The following TMA7 variants were observed in gnomAD, a reference collection of about 807,000 sequenced individuals.
TMA7 encodes translation machinery associated 7 homolog, also known as translation machinery-associated protein 7.
Under a neutral mutation model 12.5 loss-of-function variants are expected in TMA7, and 5 were observed. That is an observed-to-expected ratio of 0.40 (90% confidence interval 0.21 to 0.84). The LOEUF is 0.84. Among genes scored for constraint, TMA7 ranks in the 40% least tolerant of loss-of-function variants. TMA7 has a pLI of 0.36. For missense variants in TMA7, 71 were observed against 75.4 expected (o/e 0.94, Z 0.22); for synonymous variants, 36 against 28.1 (o/e 1.28, Z -0.89).
chr3:48,440,285 G>T lies in TMA7; in HGVS notation c.-12G>T, dbSNP rs765641351. 1 of 1,601,752 alleles carries T rather than the reference G, an allele frequency of 6.2e-7. No homozygotes were observed. Among genetic ancestry groups the T allele is most frequent in the Non-Finnish European group, 8.5e-7 (1 of 1,173,996 alleles). ...TCCGGTGGCAGGGTCTGGGGAAGCG[G>T]CGGCAGGCGCCATGTCCGGCCGCGA... On this transcript the variant is annotated 5_prime_UTR_variant, in exon 1 of 4. Coordinates refer to ENST00000438607, the MANE Select transcript of TMA7 (RefSeq NM_015933.6).
chr3:48,443,811 A>G lies in TMA7; in HGVS notation c.161-37A>G, dbSNP rs775153171. ...CCGTGGGGCTTCTACCGTAAGAACT[A>G]TATTTTTCCCTAATTGTGACTATTT... On this transcript the variant is annotated intron_variant, in intron 3 of 3. Coordinates refer to ENST00000438607, the MANE Select transcript of TMA7 (RefSeq NM_015933.6). The G allele has an allele frequency of 2.6e-6, 4 of 1,538,532 alleles. 1 individual carries two copies. The South Asian group carries it at 5.0e-5, about 19-fold the overall frequency.
At chr3:48,443,241 CAAAAAAAAAA>C (rs3082576) in intron 3 of TMA7, among the ~76,000 whole-genome samples, 48 of 70,542 alleles carry the variant, frequency 6.8e-4, no homozygotes, top group Middle Eastern at 0.01. Context: ...ACTCCATCTC[CAAAAAAAAAA>C]AAAAAAAAAA....
At chr3:48,441,203 G>C (rs1403359953) in intron 3 of TMA7, among the ~76,000 whole-genome samples, 2 of 151,798 alleles carry the variant, frequency 1.3e-5, no homozygotes, top group Non-Finnish European at 2.9e-5. Context: ...TTGAGACGGA[G>C]TGCGGCTAAT....
At chr3:48,443,729 T>C in intron 3 of TMA7, 119 bp from the exon 4 acceptor site, 1 of 643,764 alleles carries the variant, frequency 1.6e-6, no homozygotes, top group Non-Finnish European at 2.5e-6. Context: ...TATCCATGCT[T>C]GTGTTAAAGT....
rs938660578 is a variant in TMA7, at chr3:48,440,330, G to T, written c.16+18G>T. ...CCGCGAAGGTAAGTGTTCCGGAACC[G>T]TGAGGACTGCGGGGACGGCGGGGTG... is the stretch of plus-strand genomic sequence containing the variant. On this transcript the variant is annotated intron_variant, in intron 1 of 3. Coordinates refer to ENST00000438607, the MANE Select transcript of TMA7 (RefSeq NM_015933.6). The T allele has an allele frequency of 4.3e-6, 7 of 1,611,802 alleles. No individual in the cohort carries two copies. Among genetic ancestry groups the T allele is most frequent in the Middle Eastern group, 1.7e-4 (1 of 6,058 alleles).
chr3:48,443,536 A>G (rs888087419), intron 3 of TMA7, among the ~76,000 whole-genome samples: 4 of 125,878 alleles, frequency 3.2e-5, no homozygotes, highest in South Asian at 2.3e-4. Context: ...TCCATCTCAG[A>G]AAAAAAAAAA....
Position 48,443,838 on chromosome 3 carries a change from TC to T in TMA7, c.161-9del, listed in dbSNP as rs1343095656. Reference sequence around the variant, plus strand: ...ATTTTTCCCTAATTGTGACTATTTTTCTTTTGCAGCCACAGGTGGAATTAAG... The same window carrying T: ...ATTTTTCCCTAATTGTGACTATTTTTTTTTGCAGCCACAGGTGGAATTAAG... On this transcript the variant is annotated splice_polypyrimidine_tract_variant and intron_variant, in intron 3 of 3. Transcript: ENST00000438607. 1.2e-5 allele frequency: 19 copies of T among 1,561,430 alleles called. No individual in the cohort carries two copies. The highest frequency in any genetic ancestry group is 1.2e-4 in the East Asian group (5 of 41,724).
In TMA7 at chr3:48,444,134, C is replaced by T. The variant is rs2039626044; in HGVS notation, c.*252C>T. The T allele has an allele frequency of 2.8e-6, 1 of 352,430 alleles. No homozygotes were observed. The highest frequency in any genetic ancestry group is 2.1e-5 in the African/African-American group (1 of 47,642). 21.8% of individuals were successfully genotyped at this position (352,430 alleles called of 1,614,324 possible). ...AAGTAAAACCAGCTCAGAATCTTGC[C>T]AGAGTCTGTTCTTTGGTCCTTGTTC... On this transcript the variant is annotated 3_prime_UTR_variant, in exon 4 of 4. Transcript: ENST00000438607.
rs1473782185 is a variant in TMA7 at position 48,440,274 on chromosome 3, C to T, written c.-23C>T. On this transcript the variant is annotated 5_prime_UTR_variant, in exon 1 of 4. Transcript: ENST00000438607. ...GACGCTCCGTTTCCGGTGGCAGGGT[C>T]TGGGGAAGCGGCGGCAGGCGCCATG... 2 of 1,596,158 alleles carry T rather than the reference C, an allele frequency of 1.3e-6. No individual in the cohort carries two copies. The highest frequency in any genetic ancestry group is 1.7e-5 in the Admixed American group (1 of 59,064).
In TMA7 at chr3:48,440,728, G is replaced by C. The variant is rs138356260; in HGVS notation, c.160+100G>C. On this transcript the variant is annotated intron_variant, in intron 3 of 3. Transcript: ENST00000438607. ...CTTTTTCCTGCCTCCTGAACTGCGA[G>C]GTCTCGTTTTCCGACGTCCGCTGCA... The C allele has an allele frequency of 2.8e-3, 3,052 of 1,098,532 alleles. 12 individuals carry two copies. The highest frequency in any genetic ancestry group is 3.7e-3 in the Non-Finnish European group (2,775 of 754,584). The allele number at this position is 1,098,532 out of a possible 1,614,324, so 68.0% of individuals were successfully genotyped here. A position where few individuals can be genotyped will look rare whatever the true frequency, so the allele number is the denominator to read the frequency against.
Position 48,440,612 on chromosome 3 carries a change from G to A in TMA7, c.144G>A (p.Ala48=). The change falls in exon 3 of 4, where the codon GCG becomes GCA. Residue 48 remains alanine (A), a synonymous_variant. Coordinates refer to ENST00000438607, the MANE Select transcript of TMA7 (RefSeq NM_015933.6). ...TCGAGGAGCTAAAAGCGAAGGCCGC[G>A]GGGAAGGGGCCCTTGGGTAAGTGGG... is the stretch of plus-strand genomic sequence containing the variant. ...KKLEELKAKA[A]GKGPLATGGI... The A allele has an allele frequency of 6.2e-7, 1 of 1,611,512 alleles. No individual in the cohort carries two copies. Among genetic ancestry groups the A allele is most frequent in the Non-Finnish European group, 8.5e-7 (1 of 1,179,698 alleles).
chr3:48,443,096 C>T (rs1575431911), intron 3 of TMA7, among the ~76,000 whole-genome samples: 1 of 151,378 alleles, frequency 6.6e-6, no homozygotes, highest in Non-Finnish European at 1.5e-5. Context: ...AAAAATTAGC[C>T]GGGTATGGTG....
chr3:48,443,400 A>T (rs2039611324), intron 3 of TMA7, among the ~76,000 whole-genome samples: 1 of 151,840 alleles, frequency 6.6e-6, no homozygotes, highest in Admixed American at 6.6e-5. Flanking sequence ...TACAAAAATT[A>T]GCCAGGGCTT....
At chr3:48,443,545 A>G (rs1039048217) in intron 3 of TMA7, among the ~76,000 whole-genome samples, 3 of 152,146 alleles carry the variant, frequency 2.0e-5, no homozygotes, top group African/African-American at 7.2e-5. Flanking sequence ...GAAAAAAAAA[A>G]AAAAAGGACT....
intron 3 of TMA7, among the ~76,000 whole-genome samples, chr3:48,442,210 G>A (rs926207606): frequency 5.9e-5 from 9 of 151,370 alleles, no homozygotes; most frequent in Non-Finnish European, 1.3e-4. Flanking sequence ...GTAGTGAGCT[G>A]GGATTGCGCC....
rs755896347 is a variant in TMA7 at position 48,440,271 on chromosome 3, G to A, written c.-26G>A. The A allele has an allele frequency of 3.8e-6, 6 of 1,593,804 alleles. No individual in the cohort carries two copies. The highest frequency in any genetic ancestry group is 1.7e-5 in the Admixed American group (1 of 58,860). On this transcript the variant is annotated 5_prime_UTR_variant, in exon 1 of 4. Transcript: ENST00000438607. Reference sequence around the variant, plus strand: ...GCAGACGCTCCGTTTCCGGTGGCAGGGTCTGGGGAAGCGGCGGCAGGCGCC... The same window carrying A: ...GCAGACGCTCCGTTTCCGGTGGCAGAGTCTGGGGAAGCGGCGGCAGGCGCC...
At chr3:48,440,722 C>T (rs1560096152) in intron 3 of TMA7, 94 bp downstream of exon 3, 1 of 1,134,900 alleles carries the variant, frequency 8.8e-7, no homozygotes, top group Non-Finnish European at 1.3e-6. Flanking sequence ...GCCTCCTGAA[C>T]TGCGAGGTCT....
rs758578739 is a variant in TMA7 at position 48,443,906 on chromosome 3, T to C, written c.*24T>C. ...AAGCTGTTCCTTGTGCCTGAGGAGA[T>C]GGTGACCCTTTATTTCATCTGTATT... On this transcript the variant is annotated 3_prime_UTR_variant, in exon 4 of 4. Coordinates refer to ENST00000438607, the MANE Select transcript of TMA7 (RefSeq NM_015933.6). 2 of 1,509,468 alleles carry C rather than the reference T, an allele frequency of 1.3e-6. No individual in the cohort carries two copies. Among genetic ancestry groups the C allele is most frequent in the Non-Finnish European group, 8.8e-7 (1 of 1,131,440 alleles). 93.5% of individuals were successfully genotyped at this position (1,509,468 alleles called of 1,614,324 possible).
At chr3:48,441,750 A>C (rs2039575049) in intron 3 of TMA7, among the ~76,000 whole-genome samples, 1 of 152,202 alleles carries the variant, frequency 6.6e-6, no homozygotes, top group Admixed American at 6.5e-5. Context: ...CATTGATCCA[A>C]CTAGTGATTA....
Sources: allele counts gnomAD v4.1 joint callset (sites outside exome capture counted in the v4.1 genomes callset), GRCh38; gene constraint gnomAD v4.1.1; transcripts MANE v1.5; gene names NCBI Gene and HGNC (gene_info 2026-07-23, HGNC 2026-07-21).